Variants in SSC5D observed in about 807,000 individuals in gnomAD.
SSC5D encodes scavenger receptor cysteine rich family member with 5 domains.
SSC5D carries 106 observed loss-of-function variants against 104.6 expected under a neutral mutation model. The ratio of observed to expected loss-of-function variants is 1.01; its 90% CI spans 0.87 to 1.19. The LOEUF is 1.19. SSC5D is among the 50% of genes most tolerant of loss of function. The pLI is 0.00. For synonymous variants in SSC5D, 860 were observed against 883.5 expected, an observed-to-expected ratio of 0.97 and a Z score of 0.47; for missense variants, 1,993 against 2,153.8, an observed-to-expected ratio of 0.93 and a Z score of 1.48.
chr19:55,510,863 C>G (rs1328287323), intron 12 of SSC5D, among the ~76,000 whole-genome samples: 2 of 152,150 alleles, frequency 1.3e-5, no homozygotes, highest in Non-Finnish European at 2.9e-5. Flanking sequence ...ACTGCAACCT[C>G]TCCTTCATGG....
At chr19:55,490,547 G>A (rs1297152126) in intron 5 of SSC5D, 139 bp downstream of exon 5, 20 of 619,928 alleles carry the variant, frequency 3.2e-5, no homozygotes, top group Middle Eastern at 4.3e-4. Context: ...TCCCTCCCCC[G>A]GGGATTTAGA....
intron 12 of SSC5D, among the ~76,000 whole-genome samples, chr19:55,501,732 G>A (rs1478213092): frequency 6.6e-6 from 1 of 152,114 alleles, no homozygotes; most frequent in Non-Finnish European, 1.5e-5. Flanking sequence ...CTGTCTTGCT[G>A]CTGCAGCTCC....
intron 8 of SSC5D, among the ~76,000 whole-genome samples, chr19:55,495,233 A>ATATATATATATATATAT (rs1555765051): frequency 7.9e-5 from 4 of 50,666 alleles, no homozygotes; most frequent in African/African-American, 2.9e-4. Flanking sequence ...ATATATATAT[A>ATATATATATATATATAT]TTTTTTTTTT....
intron 6 of SSC5D, chr19:55,492,441 T>C (rs903856544): frequency 3.3e-5 from 5 of 152,018 alleles, no homozygotes; most frequent in African/African-American, 1.2e-4. Flanking sequence ...AAGTTGAGGC[T>C]CTGGAGAGGA....
At position 55,494,782 on chromosome 19, in the gene SSC5D, CG is replaced by C; in HGVS notation, c.1387+1del. The C allele has an allele frequency of 6.5e-7, 1 of 1,540,388 alleles. No homozygotes were observed. The highest frequency in any genetic ancestry group is 8.8e-7 in the Non-Finnish European group (1 of 1,140,448). ...TCCTTTGGGAGCCTGGACCGGAAGC[CG>C]GTGAGTCCCTCCATGCTCCCCAAGA... is the stretch of plus-strand genomic sequence containing the variant. Reference protein sequence around the residue: ...TVLWEPGPEAGSPQLRLVAGP... With the variant: ...TVLWEPGPEAXSPQLRLVAGP... On this transcript the variant is annotated frameshift_variant and splice_region_variant, in exon 8 of 14. Transcript: ENST00000389623. LOFTEE classifies it high-confidence loss of function.
intron 9 of SSC5D, 21 bp from the exon 10 acceptor site, chr19:55,499,795 C>T: frequency 6.5e-7 from 1 of 1,540,322 alleles, no homozygotes; most frequent in Non-Finnish European, 8.8e-7. Context: ...GTCTTCTCTT[C>T]CTGCCCCACT....
chr19:55,502,058 A>G (rs766651126), intron 12 of SSC5D, among the ~76,000 whole-genome samples: 20 of 151,994 alleles, frequency 1.3e-4, no homozygotes, highest in Non-Finnish European at 2.1e-4. Context: ...GTGCGCCACC[A>G]CACCCGGCTC....
At chr19:55,492,645 T>C (rs929794) in intron 6 of SSC5D, 127,106 of 152,040 alleles carry the variant, frequency 0.84, 53,537 homozygotes, top group African/African-American at 0.94. Context: ...AGAACAGTGA[T>C]TGGGGGCAAT....
chr19:55,490,504 C>T (rs4274529), intron 5 of SSC5D, 96 bp downstream of exon 5: 425,250 of 609,794 alleles, frequency 0.7, 150,841 homozygotes, highest in South Asian at 0.77. Flanking sequence ...TCTCCTTAGC[C>T]GGGGCCCTGG....
In SSC5D at chr19:55,517,655, T is replaced by G. The variant is rs1423409527; in HGVS notation, c.3379T>G (p.Leu1127Val). ...QVPESDTTPD[L>V]DTTPYSSTVS... ...CCCAGAATCTGACACAACCCCAGAT[T>G]TGGACACAACTCCATACTCCAGTAC... The change falls in exon 14 of 14, where the codon TTG becomes GTG. Residue 1127 changes from leucine to valine, a missense_variant. Around this residue, in one of 6 missense-constraint regions of SSC5D, gnomAD observed 423 missense variants for 409.2 expected, o/e 1.03. Transcript: ENST00000389623. 3 of 1,551,570 alleles carry G rather than the reference T, an allele frequency of 1.9e-6. No homozygotes were observed. The East Asian group carries it at 7.3e-5, about 38-fold the overall frequency.
chr19:55,513,179 C>T lies in SSC5D; in HGVS notation c.2947+7C>T. ...AGAGTCCATGGAGACACAGGTGAGA[C>T]ACGTGGCTGGGGTGAGGAGACTGGG... On this transcript the variant is annotated splice_region_variant and intron_variant, in intron 13 of 13. Coordinates refer to ENST00000389623, the MANE Select transcript of SSC5D (RefSeq NM_001144950.2). 1.3e-6 allele frequency: 2 copies of T among 1,489,012 alleles called. No homozygotes were observed. The highest frequency in any genetic ancestry group is 1.8e-6 in the Non-Finnish European group (2 of 1,115,778). The allele number at this position is 1,489,012 out of a possible 1,614,324, so 92.2% of individuals were successfully genotyped here.
At chr19:55,497,665 A>G (rs1438616437) in intron 8 of SSC5D, among the ~76,000 whole-genome samples, 2 of 152,060 alleles carry the variant, frequency 1.3e-5, no homozygotes, top group African/African-American at 4.8e-5. Flanking sequence ...GATCCTCCAA[A>G]CTCTGCCTGA....
chr19:55,490,990 G>A lies in SSC5D; in HGVS notation c.805G>A (p.Gly269Arg), dbSNP rs1489347665. ...GTGGATGGACGATGTGGGGTGTGGAGGAGGAGAACAGGCCCTCCGAGACTG... is the reference window on the plus strand; with the variant it reads ...GTGGATGGACGATGTGGGGTGTGGAAGAGGAGAACAGGCCCTCCGAGACTG... ...PVWMDDVGCG[G>R]GEQALRDCPR... is the part of the protein sequence containing the mutation. The change falls in exon 6 of 14, where the codon GGA becomes AGA. Residue 269 changes from glycine (G) to arginine (R), a missense_variant. Coordinates refer to ENST00000389623, the MANE Select transcript of SSC5D (RefSeq NM_001144950.2). 4.5e-6 allele frequency: 7 copies of A among 1,549,100 alleles called. No homozygotes were observed. In the East Asian group the frequency reaches 9.8e-5, roughly 22 times the overall value.
chr19:55,495,233 A>ATTTTTTTTTTTTT (rs74181759), intron 8 of SSC5D, among the ~76,000 whole-genome samples: 1 of 50,662 alleles, frequency 2.0e-5, no homozygotes, highest in African/African-American at 9.8e-5. Flanking sequence ...ATATATATAT[A>ATTTTTTTTTTTTT]TTTTTTTTTT....
chr19:55,488,993 C>A lies in SSC5D; in HGVS notation c.26-13C>A, dbSNP rs1159154611. On this transcript the variant is annotated splice_polypyrimidine_tract_variant and intron_variant, in intron 1 of 13. Coordinates refer to ENST00000389623, the MANE Select transcript of SSC5D (RefSeq NM_001144950.2). ...GCCCCTCACACTGCCCCACCCTCCG[C>A]CCTCCCTTCCAGCGGCCCTGGTGGG... 3 of 1,525,090 alleles carry A rather than the reference C, an allele frequency of 2.0e-6. No homozygotes were observed. The highest frequency in any genetic ancestry group is 1.2e-5 in the South Asian group (1 of 81,462). 94.5% of individuals were successfully genotyped at this position (1,525,090 alleles called of 1,614,324 possible). A position where few individuals can be genotyped will look rare whatever the true frequency, so the allele number is the denominator to read the frequency against.
Position 55,490,373 on chromosome 19 carries a change from G to A in SSC5D, c.551G>A (p.Arg184Gln), listed in dbSNP as rs1279060858. The change falls in exon 5 of 14, where the codon CGG becomes CAG. Residue 184 changes from arginine (R) to glutamine (Q), a missense_variant. By Grantham distance (43) the Arg-to-Gln change is conservative. This residue lies in a region of SSC5D where 1,101 missense variants were observed against 1,085.0 expected (regional missense o/e 1.01). Coordinates refer to ENST00000389623, the MANE Select transcript of SSC5D (RefSeq NM_001144950.2). ...SPRPKQAKST[R>Q]APLLTTGAPR... Reference sequence around the variant, plus strand: ...CGGCCCAAGCAGGCCAAGTCCACCCGGGCCCCTCTGCTGACGACAGGAGCC... The same window carrying A: ...CGGCCCAAGCAGGCCAAGTCCACCCAGGCCCCTCTGCTGACGACAGGAGCC... The A allele has an allele frequency of 1.8e-5, 27 of 1,514,064 alleles. No individual in the cohort carries two copies. The highest frequency in any genetic ancestry group is 2.6e-5 in the East Asian group (1 of 38,940). The allele number at this position is 1,514,064 out of a possible 1,614,324, so 93.8% of individuals were successfully genotyped here.
At chr19:55,514,456 ATAG>A (rs1987825970) in intron 13 of SSC5D, among the ~76,000 whole-genome samples, 6 of 38,098 alleles carry the variant, frequency 1.6e-4, no homozygotes, top group Non-Finnish European at 2.4e-4. Context: ...AATAATAATA[ATAG>A]GTGTGGTGGC....
Position 55,489,385 on chromosome 19 carries a change from G to T in SSC5D, c.84G>T (p.Gly28=). ...ERLRLADGPH[G]CAGRLEVWHG... ...TGCGCCTGGCCGATGGCCCCCATGG[G>T]TGCGCTGGCCGCCTGGAGGTCTGGC... Residue 28 remains glycine, a synonymous_variant, in exon 3 of 14, where the codon GGG becomes GGT. Transcript: ENST00000389623. 6.8e-7 allele frequency: 1 copy of T among 1,480,410 alleles called. No homozygotes were observed. The highest frequency in any genetic ancestry group is 8.9e-7 in the Non-Finnish European group (1 of 1,122,698). The allele number at this position is 1,480,410 out of a possible 1,614,324, so 91.7% of individuals were successfully genotyped here. A position where few individuals can be genotyped will look rare whatever the true frequency, so the allele number is the denominator to read the frequency against.
intron 5 of SSC5D, 120 bp downstream of exon 5, chr19:55,490,528 TTCCCCGCG>T: frequency 1.6e-6 from 1 of 606,202 alleles, no homozygotes; most frequent in Non-Finnish European, 2.9e-6. Context: ...GATCCCAGTG[TTCCCCGCG>T]TCCCTCCCCC....
Sources: allele counts gnomAD v4.1 joint callset (sites outside exome capture counted in the v4.1 genomes callset), GRCh38; gene constraint gnomAD v4.1.1; regional missense constraint gnomAD v4.1.1; transcripts MANE v1.5; gene names NCBI Gene and HGNC (gene_info 2026-07-23, HGNC 2026-07-21).